MAGI1: variants seen among roughly 807,000 people sequenced by gnomAD.
MAGI1 encodes the protein membrane-associated guanylate kinase, WW and PDZ domain-containing protein 1.
A neutral mutation model predicts 139.9 loss-of-function variants in MAGI1; 58 were observed. That is an observed-to-expected ratio of 0.41 (90% CI 0.34 to 0.52). MAGI1 has a LOEUF of 0.52. Ranked by LOEUF, MAGI1 falls within the 20% of genes least tolerant of loss-of-function variation. The pLI is 0.12. For synonymous variants in MAGI1, 812 were observed against 737.9 expected, an observed-to-expected ratio of 1.10 and a Z score of -1.63; for missense variants, 1,874 against 1,901.6, an observed-to-expected ratio of 0.99 and a Z score of 0.27.
At chr3:65,485,701 A>G (rs879867986) in intron 3 of MAGI1, among the ~76,000 whole-genome samples, 10 of 152,358 alleles carry the variant, frequency 6.6e-5, no homozygotes, top group Admixed American at 2.0e-4. Flanking sequence ...ATTAAGTGTC[A>G]CTACGCATAT....
intron 1 of MAGI1, among the ~76,000 whole-genome samples, chr3:65,857,147 A>G (rs2059401005): frequency 6.6e-6 from 1 of 152,176 alleles, no homozygotes; most frequent in Admixed American, 6.5e-5. Context: ...CTTTGTTCTT[A>G]AGGTCAGTTG....
intron 1 of MAGI1, chr3:65,925,077 T>C (rs1182035750): frequency 6.6e-6 from 1 of 152,182 alleles, no homozygotes; most frequent in African/African-American, 2.4e-5. Flanking sequence ...GAGCTCACCA[T>C]GGGATACACT....
intron 2 of MAGI1, among the ~76,000 whole-genome samples, chr3:65,552,123 G>A (rs2079863711): frequency 6.6e-6 from 1 of 152,140 alleles, no homozygotes; most frequent in South Asian, 2.1e-4. Context: ...TTCCTGCTGA[G>A]AGGGTTCTCA....
intron 1 of MAGI1, among the ~76,000 whole-genome samples, chr3:66,013,903 G>A (rs188601299): frequency 8.0e-4 from 121 of 152,182 alleles, no homozygotes; most frequent in African/African-American, 2.7e-3. Flanking sequence ...TAAGTAAAAC[G>A]GAGATACTCA....
intron 5 of MAGI1, among the ~76,000 whole-genome samples, chr3:65,468,328 C>G (rs1950302915): frequency 1.3e-5 from 2 of 148,510 alleles, no homozygotes; most frequent in East Asian, 2.0e-4. Flanking sequence ...TTTCACTTAT[C>G]TCAGAACTCT....
chr3:65,943,099 A>G (rs1023178661), intron 1 of MAGI1, among the ~76,000 whole-genome samples: 6 of 152,258 alleles, frequency 3.9e-5, no homozygotes, highest in Non-Finnish European at 8.8e-5. Context: ...TTAAACAAAT[A>G]CAATCTATAT....
intron 1 of MAGI1, among the ~76,000 whole-genome samples, chr3:65,704,912 T>A (rs940948160): frequency 3.9e-5 from 6 of 152,112 alleles, no homozygotes; most frequent in African/African-American, 1.4e-4. Flanking sequence ...ATTTTCCTTC[T>A]AGACCCAAGA....
At chr3:66,014,729 TA>T (rs1437204890) in intron 1 of MAGI1, among the ~76,000 whole-genome samples, 2 of 152,210 alleles carry the variant, frequency 1.3e-5, no homozygotes, top group East Asian at 3.8e-4. Flanking sequence ...CAAGAGTTAA[TA>T]AACACTTGTG....
intron 1 of MAGI1, among the ~76,000 whole-genome samples, chr3:65,714,543 G>A (rs904412905): frequency 6.6e-6 from 1 of 152,036 alleles, no homozygotes; most frequent in Non-Finnish European, 1.5e-5. Context: ...GTTGTGCTGT[G>A]AGCAATAACA....
chr3:65,767,052 A>C (rs1191561424), intron 1 of MAGI1, among the ~76,000 whole-genome samples: 1 of 152,110 alleles, frequency 6.6e-6, no homozygotes, highest in African/African-American at 2.4e-5. Context: ...ACATAAGTGC[A>C]TGGTCTAGAT....
intron 1 of MAGI1, among the ~76,000 whole-genome samples, chr3:65,748,973 C>G (rs1393314830): frequency 6.6e-6 from 1 of 152,100 alleles, no homozygotes; most frequent in African/African-American, 2.4e-5. Flanking sequence ...AATGGTGATC[C>G]AGATGGTATC....
intron 1 of MAGI1, among the ~76,000 whole-genome samples, chr3:65,848,597 T>C (rs1292879954): frequency 6.6e-6 from 1 of 152,120 alleles, no homozygotes; most frequent in Non-Finnish European, 1.5e-5. Flanking sequence ...TTTTTTTATT[T>C]TCTTTCTAAG....
In MAGI1 at chr3:65,812,468, T is replaced by TCTCTCTCTCTCACACACACACACACACA. The variant is rs1176899313; in HGVS notation, c.314-190381_314-190380insTGTGTGTGTGTGTGTGTGAGAGAGAGAG. 3.4e-5 allele frequency among the ~76,000 whole-genome samples: 3 copies of TCTCTCTCTCTCACACACACACACACACA among 89,160 alleles called. No individual in the cohort carries two copies. The Admixed American group carries it at 4.0e-4, about 12-fold the overall frequency. 58.5% of individuals were successfully genotyped at this position (89,160 alleles called of 152,430 possible). A position where few individuals can be genotyped will look rare whatever the true frequency, so the allele number is the denominator to read the frequency against. On this transcript the variant is annotated intron_variant, in intron 1 of 22. Coordinates refer to ENST00000402939, the MANE Select transcript of MAGI1 (RefSeq NM_001033057.2). ...CTTTCTCTCTCTCTCTCTCTCTCTC[T>TCTCTCTCTCTCACACACACACACACACA]CACACACACACACACACACACACTT...
chr3:65,962,664 A>G (rs377190203), intron 1 of MAGI1, among the ~76,000 whole-genome samples: 2 of 151,620 alleles, frequency 1.3e-5, no homozygotes, highest in Admixed American at 1.3e-4. Context: ...GTGAAACCCA[A>G]TATCTACTAA....
At chr3:65,417,283 G>T (rs73127534) in intron 12 of MAGI1, among the ~76,000 whole-genome samples, 5,650 of 152,164 alleles carry the variant, frequency 0.037, 135 homozygotes, top group Non-Finnish European at 0.052. Context: ...ATTTACCTAT[G>T]GAACAAATCT....
intron 1 of MAGI1, among the ~76,000 whole-genome samples, chr3:65,936,984 G>T (rs1424272496): frequency 6.6e-6 from 1 of 150,910 alleles, no homozygotes; most frequent in Admixed American, 6.6e-5. Context: ...GGTGGTGGTG[G>T]TGGTGATGGT....
At chr3:66,005,913 A>T (rs980077218) in intron 1 of MAGI1, among the ~76,000 whole-genome samples, 1 of 152,160 alleles carries the variant, frequency 6.6e-6, no homozygotes, top group Non-Finnish European at 1.5e-5. Flanking sequence ...TAAGATTGCA[A>T]TCACTTCTAG....
At position 65,375,957 on chromosome 3, in the gene MAGI1, TTGAG is replaced by T. The variant is rs1258694856; in HGVS notation, c.2996-16_2996-13del. The T allele has an allele frequency of 1.2e-6, 2 of 1,606,564 alleles. No individual in the cohort carries two copies. The highest frequency in any genetic ancestry group is 1.7e-5 in the Admixed American group (1 of 59,302). On this transcript the variant is annotated splice_polypyrimidine_tract_variant and intron_variant, in intron 17 of 22. Coordinates refer to ENST00000402939, the MANE Select transcript of MAGI1 (RefSeq NM_001033057.2). ...CACACATGCATTGCCTGCTTTGATA[TTGAG>T]TTTTAATTTTTTTAAAGTTACGTGG...
intron 1 of MAGI1, among the ~76,000 whole-genome samples, chr3:65,712,397 T>G (rs73832930): frequency 0.019 from 2,837 of 147,726 alleles, 91 homozygotes; most frequent in African/African-American, 0.068. Flanking sequence ...CAGGAATCCT[T>G]CCAGATGAAT....
Sources: allele counts gnomAD v4.1 joint callset (sites outside exome capture counted in the v4.1 genomes callset), GRCh38; gene constraint gnomAD v4.1.1; transcripts MANE v1.5; gene names NCBI Gene and HGNC (gene_info 2026-07-23, HGNC 2026-07-21).